Variants in RELN observed in about 807,000 individuals in gnomAD.
RELN encodes reelin.
RELN carries 108 observed loss-of-function variants against 427.6 expected under a neutral mutation model. The observed-to-expected ratio is 0.25, with a 90% confidence interval of 0.22 to 0.30. RELN has a LOEUF of 0.30. RELN is among the 10% of genes least tolerant of loss of function. RELN has a pLI of 1.00. For synonymous variants in RELN, 1,524 were observed against 1,513.4 expected (o/e 1.01, Z -0.16); for missense variants, 3,715 against 4,302.8 (o/e 0.86, Z 3.82).
chr7:103,766,582 AACACC>A (rs1169915795), intron 4 of RELN, among the ~76,000 whole-genome samples: 3 of 152,358 alleles, frequency 2.0e-5, no homozygotes, highest in South Asian at 4.1e-4. Context: ...AAGGAGGTTA[AACACC>A]CCATTCACAT....
intron 2 of RELN, among the ~76,000 whole-genome samples, chr7:103,902,326 A>C (rs1231392159): frequency 1.3e-5 from 2 of 152,068 alleles, no homozygotes; most frequent in Non-Finnish European, 2.9e-5. Flanking sequence ...TCTTCTCATA[A>C]TCAAATAATT....
intron 7 of RELN, among the ~76,000 whole-genome samples, chr7:103,726,368 A>T (rs1790212487): frequency 6.6e-6 from 1 of 152,132 alleles, no homozygotes; most frequent in Non-Finnish European, 1.5e-5. Flanking sequence ...TCATCTTAGG[A>T]AAATACTTAT....
intron 20 of RELN, 41 bp from the exon 21 acceptor site, chr7:103,611,844 A>T: frequency 6.7e-7 from 1 of 1,495,232 alleles, no homozygotes; most frequent in East Asian, 2.3e-5. Flanking sequence ...TTCTAAACAC[A>T]ATGTATTAGA....
At chr7:103,774,125 G>A (rs1011552972) in intron 4 of RELN, among the ~76,000 whole-genome samples, 10 of 151,780 alleles carry the variant, frequency 6.6e-5, no homozygotes, top group South Asian at 2.1e-4. Context: ...GTGAAACCTC[G>A]TCTCTACTAA....
intron 7 of RELN, among the ~76,000 whole-genome samples, chr7:103,723,981 T>C (rs1024023400): frequency 1.3e-5 from 2 of 152,106 alleles, no homozygotes; most frequent in Admixed American, 6.5e-5. Context: ...AAAATTTTAT[T>C]TATTTATCCT....
intron 2 of RELN, among the ~76,000 whole-genome samples, chr7:103,897,051 T>G (rs990712983): frequency 2.6e-5 from 4 of 151,850 alleles, no homozygotes; most frequent in African/African-American, 9.7e-5. Context: ...GAACTCCCCT[T>G]TATAAAACCA....
At chr7:103,586,513 T>C (rs1212691306) in intron 28 of RELN, among the ~76,000 whole-genome samples, 3 of 152,130 alleles carry the variant, frequency 2.0e-5, no homozygotes, top group Non-Finnish European at 4.4e-5. Flanking sequence ...CAGTTCAACA[T>C]AGTACTAGAA....
chr7:103,773,611 A>G (rs1360258139), intron 4 of RELN, among the ~76,000 whole-genome samples: 1 of 151,896 alleles, frequency 6.6e-6, no homozygotes, highest in Non-Finnish European at 1.5e-5. Flanking sequence ...CTGGGATTAC[A>G]AGCCCGCACC....
At chr7:103,552,496 G>C (rs899377507) in intron 40 of RELN, among the ~76,000 whole-genome samples, 5 of 144,806 alleles carry the variant, frequency 3.5e-5, no homozygotes, top group Non-Finnish European at 6.0e-5. Context: ...GTTTCTTCCT[G>C]AATTCTTTTT....
intron 1 of RELN, among the ~76,000 whole-genome samples, chr7:103,920,749 T>A (rs112540578): frequency 0.025 from 3,743 of 152,058 alleles, 150 homozygotes; most frequent in African/African-American, 0.085. Context: ...AATGAATGTA[T>A]TTTTAGTAGA....
At chr7:103,501,308 G>A (rs1455705801) in intron 52 of RELN, among the ~76,000 whole-genome samples, 1 of 152,216 alleles carries the variant, frequency 6.6e-6, no homozygotes, top group East Asian at 1.9e-4. Flanking sequence ...TACAGAAGGT[G>A]AGTGACGCCT....
intron 6 of RELN, among the ~76,000 whole-genome samples, chr7:103,748,077 T>C (rs1390028818): frequency 1.3e-5 from 2 of 148,502 alleles, no homozygotes; most frequent in Non-Finnish European, 3.0e-5. Context: ...ATTAATGGCA[T>C]ATAAAAAAGC....
At chr7:103,572,354 A>G (rs1830902138) in intron 30 of RELN, 94 bp from the exon 31 acceptor site, 2 of 731,120 alleles carry the variant, frequency 2.7e-6, no homozygotes, top group African/African-American at 3.5e-5. Context: ...ACCCTCCTGT[A>G]TTTATTAAGT....
At chr7:103,683,367 C>T (rs910037844) in intron 10 of RELN, among the ~76,000 whole-genome samples, 3 of 152,198 alleles carry the variant, frequency 2.0e-5, no homozygotes, top group African/African-American at 7.2e-5. Flanking sequence ...CATGGAAATG[C>T]CCTTTAAGGT....
chr7:103,522,011 C>T lies in RELN; in HGVS notation c.7668+11G>A. ...AGAGCAGAAATGAGTAACCAGCAGC[C>T]AAACACTCACCCCACTGAAATGGAG... On this transcript the variant is annotated intron_variant, in intron 48 of 64. Coordinates refer to ENST00000428762, the MANE Select transcript of RELN (RefSeq NM_005045.4). The T allele has an allele frequency of 6.2e-7, 1 of 1,613,902 alleles. No homozygotes were observed. Among genetic ancestry groups the T allele is most frequent in the Non-Finnish European group, 8.5e-7 (1 of 1,179,844 alleles).
chr7:103,622,659 A>G (rs1832246540), intron 20 of RELN, among the ~76,000 whole-genome samples: 1 of 151,926 alleles, frequency 6.6e-6, no homozygotes, highest in South Asian at 2.1e-4. Flanking sequence ...ATACTTTTAC[A>G]TAGTTGTTTC....
chr7:103,490,913 G>T, intron 58 of RELN, 84 bp from the exon 59 acceptor site: 1 of 1,386,604 alleles, frequency 7.2e-7, no homozygotes. Flanking sequence ...TTGTGATCGG[G>T]TTAAATTAAA....
chr7:103,558,872 G>A (rs1830581953), intron 36 of RELN, among the ~76,000 whole-genome samples: 1 of 152,170 alleles, frequency 6.6e-6, no homozygotes, highest in Non-Finnish European at 1.5e-5. Flanking sequence ...GTGATAATAA[G>A]TGGACATTGT....
chr7:103,798,202 C>T (rs1400290834), intron 3 of RELN, among the ~76,000 whole-genome samples: 3 of 152,170 alleles, frequency 2.0e-5, no homozygotes, highest in Non-Finnish European at 2.9e-5. Context: ...TTACCAGCTA[C>T]AGTCTTCTTC....
Sources: gnomAD v4.1 joint callset for allele counts (sites outside exome capture counted in the v4.1 genomes callset) on GRCh38, gnomAD v4.1.1 for gene constraint, MANE v1.5 for transcripts, NCBI Gene and HGNC (gene_info 2026-07-23, HGNC 2026-07-21) for gene names.